The following CCDC102B variants were observed in gnomAD, a reference collection of about 807,000 sequenced individuals.
CCDC102B encodes the protein coiled-coil domain containing 102B.
CCDC102B carries 75 observed loss-of-function variants against 57.4 expected under a neutral mutation model. That is an observed-to-expected ratio of 1.31 (90% CI 1.08 to 1.58). The LOEUF is 1.58. Ranked by LOEUF, CCDC102B falls within the 40% of genes most tolerant of loss-of-function variation. The probability of loss-of-function intolerance (pLI) is 0.00; values close to 1 mark genes in which losing one functional copy is unlikely to be tolerated. For synonymous variants in CCDC102B, 206 were observed against 201.9 expected, an observed-to-expected ratio of 1.02 and a Z score of -0.17; for missense variants, 636 against 582.6, an observed-to-expected ratio of 1.09 and a Z score of -0.94.
At chr18:68,857,400 A>T (rs2038526878) in intron 4 of CCDC102B, among the ~76,000 whole-genome samples, 1 of 125,444 alleles carries the variant, frequency 8.0e-6, no homozygotes, top group Non-Finnish European at 1.6e-5. Context: ...TTATTTAAAT[A>T]TATAAATATA....
intron 4 of CCDC102B, among the ~76,000 whole-genome samples, chr18:68,858,320 A>G (rs1257339363): frequency 6.6e-6 from 1 of 152,144 alleles, no homozygotes. Context: ...CTGGCTGTTA[A>G]CACTTTTCTT....
intron 6 of CCDC102B, among the ~76,000 whole-genome samples, chr18:68,941,980 C>T (rs940718255): frequency 6.6e-6 from 1 of 151,948 alleles, no homozygotes; most frequent in Non-Finnish European, 1.5e-5. Context: ...AATTGTCTGC[C>T]TCTTGCCAAA....
At chr18:69,023,519 T>A (rs1327184183) in intron 7 of CCDC102B, among the ~76,000 whole-genome samples, 1 of 151,674 alleles carries the variant, frequency 6.6e-6, no homozygotes, top group Non-Finnish European at 1.5e-5. Context: ...TTTATTATAA[T>A]CATATAAATG....
intron 6 of CCDC102B, among the ~76,000 whole-genome samples, chr18:68,930,917 C>CT (rs755236746): frequency 3.6e-4 from 54 of 149,316 alleles, no homozygotes; most frequent in East Asian, 2.4e-3. Context: ...AACACATACA[C>CT]TTTTTTTTTT....
intron 7 of CCDC102B, among the ~76,000 whole-genome samples, chr18:69,037,410 C>A (rs1328405862): frequency 1.3e-5 from 2 of 151,890 alleles, no homozygotes; most frequent in African/African-American, 2.4e-5. Context: ...GGATAAAGGA[C>A]AACAAGAGGT....
chr18:68,878,776 G>A (rs2039554137), intron 5 of CCDC102B, among the ~76,000 whole-genome samples: 1 of 152,138 alleles, frequency 6.6e-6, no homozygotes, highest in South Asian at 2.1e-4. Flanking sequence ...GACTAAGACA[G>A]TCACAAGCAC....
chr18:68,940,664 A>G (rs2049353812), intron 6 of CCDC102B, among the ~76,000 whole-genome samples: 1 of 151,622 alleles, frequency 6.6e-6, no homozygotes, highest in Admixed American at 6.6e-5. Flanking sequence ...AGATATATGA[A>G]AAAGAGCTTT....
At chr18:68,726,087 A>C (rs1002473863) in intron 2 of CCDC102B, among the ~76,000 whole-genome samples, 2 of 152,244 alleles carry the variant, frequency 1.3e-5, no homozygotes, top group Non-Finnish European at 2.9e-5. Flanking sequence ...AGAAGGATAA[A>C]CATTAAAATC....
At chr18:68,812,168 A>G (rs1162402053) in intron 1 of CCDC102B, among the ~76,000 whole-genome samples, 1 of 152,106 alleles carries the variant, frequency 6.6e-6, no homozygotes, top group Non-Finnish European at 1.5e-5. Context: ...AGAAAACAAA[A>G]GCAGATTTTC....
Position 68,801,688 on chromosome 18 carries a change from G to A in CCDC102B, c.-16+3507G>A, listed in dbSNP as rs553329010. Among the ~76,000 whole-genome samples, 15 of 152,224 alleles carry A rather than the reference G, an allele frequency of 9.9e-5. No homozygotes were observed. In the South Asian group the frequency reaches 1.5e-3, roughly 15 times the overall value. ...GAGATTTTTAGTCACTGACTCGGGA[G>A]CATATGTTTCTAAGCTGCAGTAAAC... On this transcript the variant is annotated intron_variant, in intron 1 of 7. Transcript: ENST00000360242.
intron 6 of CCDC102B, among the ~76,000 whole-genome samples, chr18:68,998,026 G>A (rs2051078438): frequency 6.6e-6 from 1 of 152,016 alleles, no homozygotes; most frequent in Non-Finnish European, 1.5e-5. Context: ...ATTCTGAGCT[G>A]TTGAGTCATT....
chr18:68,784,570 C>G (rs893484953), intron 2 of CCDC102B, among the ~76,000 whole-genome samples: 1 of 152,102 alleles, frequency 6.6e-6, no homozygotes, highest in Non-Finnish European at 1.5e-5. Context: ...TTTAGAAATT[C>G]ATACCTTATA....
At chr18:68,847,876 A>G (rs1367128942) in intron 4 of CCDC102B, among the ~76,000 whole-genome samples, 1 of 151,822 alleles carries the variant, frequency 6.6e-6, no homozygotes, top group Non-Finnish European at 1.5e-5. Flanking sequence ...AAAATTTATA[A>G]ATATAAAGAT....
chr18:68,911,950 A>T (rs1042596873), intron 6 of CCDC102B, among the ~76,000 whole-genome samples: 15 of 152,182 alleles, frequency 9.9e-5, no homozygotes, highest in Admixed American at 4.6e-4. Context: ...TTACTTAGTA[A>T]TATGAATTTA....
rs1045870571 is a variant in CCDC102B at position 68,813,704 on chromosome 18, A to G, written c.-16+15523A>G. Among the ~76,000 whole-genome samples the G allele has an allele frequency of 1.1e-4, 17 of 152,002 alleles. 1 individual carries two copies. The South Asian group carries it at 2.3e-3, about 20-fold the overall frequency. On this transcript the variant is annotated intron_variant, in intron 1 of 7. Transcript: ENST00000360242. ...TATCTGTGAAAAGGACTTTGAACCT[A>G]ATCCTAAGAATTAATGGAAGAGCAA... is the stretch of plus-strand genomic sequence containing the variant.
chr18:68,734,128 T>TA (rs1271619059), intron 2 of CCDC102B, among the ~76,000 whole-genome samples: 1 of 152,122 alleles, frequency 6.6e-6, no homozygotes, highest in Non-Finnish European at 1.5e-5. Flanking sequence ...CTAAGAAGCT[T>TA]AAAAAGTCAG....
rs189202328 is a variant in CCDC102B, at chr18:68,880,140, C to G, written c.1053+5355C>G. On this transcript the variant is annotated intron_variant, in intron 5 of 7. Coordinates refer to ENST00000360242, the MANE Select transcript of CCDC102B (RefSeq NM_024781.3). ...GGGCTGCAGGTCCCGAGCCCTGCCCCGCCCAAGGCAGCTAAGGCCCGGTGA... is the reference window on the plus strand; with the variant it reads ...GGGCTGCAGGTCCCGAGCCCTGCCCGGCCCAAGGCAGCTAAGGCCCGGTGA... 3.3e-5 allele frequency among the ~76,000 whole-genome samples: 5 copies of G among 152,314 alleles called. No individual in the cohort carries two copies. The East Asian group carries it at 7.7e-4, about 24-fold the overall frequency.
chr18:68,854,687 A>G (rs2038303517), intron 4 of CCDC102B, among the ~76,000 whole-genome samples: 2 of 152,040 alleles, frequency 1.3e-5, no homozygotes, highest in Admixed American at 1.3e-4. Context: ...TTTATTTTTT[A>G]TGTATTTTTT....
intron 4 of CCDC102B, among the ~76,000 whole-genome samples, chr18:68,854,817 G>A (rs920794005): frequency 6.6e-6 from 1 of 152,312 alleles, no homozygotes; most frequent in East Asian, 1.9e-4. Flanking sequence ...GGGAAGGAAA[G>A]TTGCTGAGAA....
Sources: gnomAD v4.1 joint callset for allele counts (sites outside exome capture counted in the v4.1 genomes callset) on GRCh38, gnomAD v4.1.1 for gene constraint, MANE v1.5 for transcripts, NCBI Gene and HGNC (gene_info 2026-07-23, HGNC 2026-07-21) for gene names.